The following MFSD8 variants were observed in gnomAD, a reference collection of about 807,000 sequenced individuals.
MFSD8 encodes major facilitator superfamily domain containing 8.
In MFSD8, 55 loss-of-function variants were observed where a neutral mutation model predicts 66.4. That is an observed-to-expected ratio of 0.83 (90% CI 0.67 to 1.04). The LOEUF (loss-of-function observed/expected upper bound fraction) is 1.04. Among genes scored for constraint, MFSD8 ranks in the 50% least tolerant of loss-of-function variants. MFSD8 has a pLI of 0.00. For synonymous variants in MFSD8, 202 were observed against 212.8 expected, an observed-to-expected ratio of 0.95 and a Z score of 0.44; for missense variants, 550 against 627.6, an observed-to-expected ratio of 0.88 and a Z score of 1.32.
At chr4:127,962,072 C>A (rs1743869530) in intron 1 of MFSD8, among the ~76,000 whole-genome samples, 1 of 152,186 alleles carries the variant, frequency 6.6e-6, no homozygotes, top group Admixed American at 6.5e-5. Flanking sequence ...ACAACTGTTG[C>A]TGCCAGATTT....
chr4:127,948,887 C>T (rs1741496394), intron 3 of MFSD8, among the ~76,000 whole-genome samples: 3 of 152,114 alleles, frequency 2.0e-5, no homozygotes, highest in Admixed American at 6.5e-5. Context: ...GCCTCTGTAA[C>T]GGTAAGAAAT....
In MFSD8 at chr4:127,932,902, C is replaced by T; in HGVS notation, c.863+83G>A. 5 of 1,257,090 alleles carry T rather than the reference C, an allele frequency of 4.0e-6. No homozygotes were observed. The South Asian group carries it at 5.2e-5, about 13-fold the overall frequency. 77.9% of individuals were successfully genotyped at this position (1,257,090 alleles called of 1,614,324 possible). ...TTGCCTTACATAAGATTTTCAATAACATCTATATGCCTAATTAACATTGCA... is the reference window on the plus strand; with the variant it reads ...TTGCCTTACATAAGATTTTCAATAATATCTATATGCCTAATTAACATTGCA... On this transcript the variant is annotated intron_variant, in intron 8 of 11. Coordinates refer to ENST00000641686, the MANE Select transcript of MFSD8 (RefSeq NM_001371596.2).
chr4:127,941,839 A>C (rs1258417856), intron 5 of MFSD8, among the ~76,000 whole-genome samples: 1 of 152,176 alleles, frequency 6.6e-6, no homozygotes, highest in African/African-American at 2.4e-5. Flanking sequence ...GGCACTCTCA[A>C]CTATAAAAGG....
chr4:127,938,374 G>A (rs1578878129), intron 7 of MFSD8, among the ~76,000 whole-genome samples: 1 of 152,040 alleles, frequency 6.6e-6, no homozygotes, highest in East Asian at 1.9e-4. Flanking sequence ...ACAAGGTCAG[G>A]AGATCGAGAC....
chr4:127,963,285 C>G (rs1744103348), intron 1 of MFSD8, among the ~76,000 whole-genome samples: 1 of 152,194 alleles, frequency 6.6e-6, no homozygotes, highest in African/African-American at 2.4e-5. Flanking sequence ...CTTCAAGTAT[C>G]TATTAAAACC....
intron 2 of MFSD8, among the ~76,000 whole-genome samples, chr4:127,955,892 G>T (rs895602090): frequency 1.3e-5 from 2 of 152,092 alleles, no homozygotes; most frequent in Non-Finnish European, 2.9e-5. Flanking sequence ...GCTGAGGCGG[G>T]CAGATCATGA....
chr4:127,957,550 T>C lies in MFSD8; in HGVS notation c.105A>G (p.Arg35=). The part of the protein sequence containing the change: ...ILETEEHYKS[R]WRSIRILYLT... ...GATATAAAATCCTAATAGATCTCCATCGGCTCTTATAATGCTCTTCAGTCT... is the reference window on the plus strand; with the variant it reads ...GATATAAAATCCTAATAGATCTCCACCGGCTCTTATAATGCTCTTCAGTCT... Residue 35 remains arginine (R), a synonymous_variant, in exon 2 of 12, where the codon CGA becomes CGG. Coordinates refer to ENST00000641686, the MANE Select transcript of MFSD8 (RefSeq NM_001371596.2). The C allele has an allele frequency of 6.2e-7, 1 of 1,612,126 alleles. No individual in the cohort carries two copies. The highest frequency in any genetic ancestry group is 8.5e-7 in the Non-Finnish European group (1 of 1,178,526).
At chr4:127,963,183 T>C (rs1434711819) in intron 1 of MFSD8, among the ~76,000 whole-genome samples, 1 of 152,216 alleles carries the variant, frequency 6.6e-6, no homozygotes, top group Admixed American at 6.5e-5. Flanking sequence ...ACATTTGGCA[T>C]AGGACAAAGG....
chr4:127,965,174 G>A, upstream of MFSD8: 1 of 1,611,928 alleles, frequency 6.2e-7, no homozygotes, highest in Non-Finnish European at 8.5e-7. Context: ...CAACTCTCGC[G>A]ACACCTGCTT....
At chr4:127,921,427 C>A in intron 11 of MFSD8, 97 bp downstream of exon 11, 1 of 1,586,908 alleles carries the variant, frequency 6.3e-7, no homozygotes, top group Non-Finnish European at 8.6e-7. Context: ...AAAAATCCCT[C>A]AAATCAGTCT....
In MFSD8 at chr4:127,920,497, T is replaced by C. The variant is rs1256575281; in HGVS notation, c.*133A>G. On this transcript the variant is annotated 3_prime_UTR_variant, in exon 12 of 12. Coordinates refer to ENST00000641686, the MANE Select transcript of MFSD8 (RefSeq NM_001371596.2). ...GTAGAATTCTCTCTGTTATTCAACA[T>C]ATGTTCTTGTTCTTCAAAATCTGCA... The C allele has an allele frequency of 2.6e-5, 22 of 841,368 alleles. No homozygotes were observed. The East Asian group carries it at 3.4e-4, about 13-fold the overall frequency. 52.1% of individuals were successfully genotyped at this position (841,368 alleles called of 1,614,324 possible).
intron 7 of MFSD8, among the ~76,000 whole-genome samples, chr4:127,936,311 A>G (rs752052889): frequency 6.6e-6 from 1 of 152,082 alleles, no homozygotes; most frequent in Admixed American, 6.5e-5. Flanking sequence ...ACAGGGTTTC[A>G]CCATGTTGGC....
chr4:127,937,465 T>A (rs1739274765), intron 7 of MFSD8, among the ~76,000 whole-genome samples: 1 of 152,156 alleles, frequency 6.6e-6, no homozygotes, highest in Non-Finnish European at 1.5e-5. Flanking sequence ...TTATCCCTTC[T>A]CCATTCTCAG....
rs182404371 is a variant in MFSD8 at position 127,946,836 on chromosome 4, A to G, written c.199-2844T>C. Among the ~76,000 whole-genome samples the G allele has an allele frequency of 3.0e-3, 453 of 151,642 alleles. 4 individuals carry two copies. The highest frequency in any genetic ancestry group is 0.011 in the African/African-American group (436 of 41,330). On this transcript the variant is annotated intron_variant, in intron 3 of 11. Coordinates refer to ENST00000641686, the MANE Select transcript of MFSD8 (RefSeq NM_001371596.2). ...AGGCTGAGGCAGGAGAATCACTTGA[A>G]CCTTGGAGGTGGAGGCTGCAGTGAG...
chr4:127,950,034 A>G (rs1417835454), intron 2 of MFSD8, among the ~76,000 whole-genome samples, 187 bp from the exon 3 acceptor site: 5 of 152,246 alleles, frequency 3.3e-5, no homozygotes, highest in African/African-American at 4.8e-5. Flanking sequence ...AAGAACATAC[A>G]ATTACAGTCC....
intron 2 of MFSD8, among the ~76,000 whole-genome samples, chr4:127,957,080 C>T (rs1386675083): frequency 6.6e-6 from 1 of 152,036 alleles, no homozygotes; most frequent in Non-Finnish European, 1.5e-5. Flanking sequence ...ATGAACTATA[C>T]AGCCTTTAAA....
At chr4:127,934,519 T>G (rs1738702921) in intron 7 of MFSD8, 1 of 152,036 alleles carries the variant, frequency 6.6e-6, no homozygotes, top group Non-Finnish European at 1.5e-5. Context: ...ATTTATCCAC[T>G]TATTCAGAAT....
rs1057520928 is a variant in MFSD8 at position 127,921,644 on chromosome 4, G to A, written c.1230C>T (p.Tyr410=). 1 of 1,614,214 alleles carries A rather than the reference G, an allele frequency of 6.2e-7. No homozygotes were observed. The highest frequency in any genetic ancestry group is 8.5e-7 in the Non-Finnish European group (1 of 1,180,038). The change falls in exon 11 of 12, where the codon TAC becomes TAT. Residue 410 remains tyrosine (Y), a synonymous_variant. Coordinates refer to ENST00000641686, the MANE Select transcript of MFSD8 (RefSeq NM_001371596.2). ...GCSIEQAWCL[Y]TPVIHLAQFL... Reference sequence around the variant, plus strand: ...ACTGGGCCAGATGAATCACCGGGGTGTAGAGGCACCAGGCTTGTTCAATCG... The same window carrying A: ...ACTGGGCCAGATGAATCACCGGGGTATAGAGGCACCAGGCTTGTTCAATCG...
chr4:127,943,309 A>G (rs999560873), intron 4 of MFSD8: 1 of 197,934 alleles, frequency 5.1e-6, no homozygotes, highest in Non-Finnish European at 1.0e-5. Flanking sequence ...CAGAGAAGAA[A>G]AAAATCTCTC....
Sources: allele counts gnomAD v4.1 joint callset (sites outside exome capture counted in the v4.1 genomes callset), GRCh38; gene constraint gnomAD v4.1.1; transcripts MANE v1.5; gene names NCBI Gene and HGNC (gene_info 2026-07-23, HGNC 2026-07-21).